The following PLAAT4 variants were observed in gnomAD, a reference collection of about 807,000 sequenced individuals.
PLAAT4 encodes the protein phospholipase A and acyltransferase 4.
A neutral mutation model predicts 14.1 loss-of-function variants in PLAAT4; 12 were observed. That is an observed-to-expected ratio of 0.85 (90% CI 0.54 to 1.37). The LOEUF is 1.37. Ranked by LOEUF, PLAAT4 falls within the 40% of genes most tolerant of loss-of-function variation. PLAAT4 has a pLI of 0.00. For synonymous variants in PLAAT4, 77 were observed against 79.8 expected (o/e 0.96, Z 0.19); for missense variants, 163 against 211.7 (o/e 0.77, Z 1.43).
Position 63,540,653 on chromosome 11 carries a change from C to G in PLAAT4, c.118+1029C>G, listed in dbSNP as rs1283822455. On this transcript the variant is annotated intron_variant, in intron 2 of 3. Transcript: ENST00000255688. ...CGAGCCTGGCCAACATGGTGAAACC[C>G]CGTCTCTATTAAAAATACAAAAATT... Among the ~76,000 whole-genome samples, 3 of 152,246 alleles carry G rather than the reference C, an allele frequency of 2.0e-5. No homozygotes were observed. The East Asian group carries it at 5.8e-4, about 29-fold the overall frequency.
chr11:63,543,066 T>A (rs2017334137), intron 2 of PLAAT4, among the ~76,000 whole-genome samples: 1 of 152,246 alleles, frequency 6.6e-6, no homozygotes, highest in African/African-American at 2.4e-5. Flanking sequence ...TTTGTTGATG[T>A]TCACTCATCT....
intron 2 of PLAAT4, 54 bp from the exon 3 acceptor site, chr11:63,544,567 C>A: frequency 1.9e-6 from 3 of 1,540,914 alleles, no homozygotes; most frequent in Non-Finnish European, 2.7e-6. Flanking sequence ...AGATTTCAAG[C>A]CCTTCTCTCC....
intron 2 of PLAAT4, among the ~76,000 whole-genome samples, chr11:63,542,401 C>T (rs957251563): frequency 3.3e-5 from 5 of 152,142 alleles, no homozygotes; most frequent in African/African-American, 1.2e-4. Flanking sequence ...AATCCAATTC[C>T]CTGCTTCCAC....
At chr11:63,538,056 G>C (rs892111313) in intron 1 of PLAAT4, among the ~76,000 whole-genome samples, 4 of 152,208 alleles carry the variant, frequency 2.6e-5, no homozygotes, top group Admixed American at 2.6e-4. Context: ...GTTTGAGGGA[G>C]GGGAAGAGGA....
intron 2 of PLAAT4, among the ~76,000 whole-genome samples, chr11:63,540,628 C>T (rs867842433): frequency 1.3e-5 from 2 of 152,070 alleles, no homozygotes; most frequent in East Asian, 1.9e-4. Context: ...GAGTTCAAGA[C>T]GAGCCTGGCC....
chr11:63,536,984 TC>T (rs2017275703), intron 1 of PLAAT4, 107 bp downstream of exon 1: 1 of 1,347,538 alleles, frequency 7.4e-7, no homozygotes, highest in South Asian at 1.3e-5. Context: ...GCTCCAGAGC[TC>T]GTCTTTAGAA....
At chr11:63,545,288 A>G (rs1194669637) in intron 3 of PLAAT4, 2 of 408,456 alleles carry the variant, frequency 4.9e-6, no homozygotes, top group South Asian at 4.9e-5. Flanking sequence ...GTAAGAGCTC[A>G]AGGACATTTG....
At chr11:63,537,282 T>C (rs2017278346) in intron 1 of PLAAT4, among the ~76,000 whole-genome samples, 1 of 152,206 alleles carries the variant, frequency 6.6e-6, no homozygotes, top group South Asian at 2.1e-4. Flanking sequence ...CCCCAAACGA[T>C]GCTTTCTCTC....
In PLAAT4 at chr11:63,542,450, GGCTCCAATGGGAA is replaced by G. The variant is rs1204599716; in HGVS notation, c.119-2168_119-2156del. 1.2e-4 allele frequency among the ~76,000 whole-genome samples: 19 copies of G among 152,146 alleles called. 1 individual carries two copies. In the East Asian group the frequency reaches 2.1e-3, roughly 17 times the overall value. On this transcript the variant is annotated intron_variant, in intron 2 of 3. Coordinates refer to ENST00000255688, the MANE Select transcript of PLAAT4 (RefSeq NM_004585.5). ...AAAGCCTAAACTTTCCTTTTTTCTGGGCTCCAATGGGAAGCAGCATTTACAACGTGTCTGGCTT... is the reference window on the plus strand; with the variant it reads ...AAAGCCTAAACTTTCCTTTTTTCTGGGCAGCATTTACAACGTGTCTGGCTT...
chr11:63,539,682 C>A (rs567891115), intron 2 of PLAAT4, 58 bp downstream of exon 2: 4 of 1,364,010 alleles, frequency 2.9e-6, no homozygotes, highest in African/African-American at 1.4e-5. Flanking sequence ...AATGAGAGGG[C>A]CGGGCACGGT....
intron 3 of PLAAT4, chr11:63,545,185 T>G: frequency 1.0e-5 from 6 of 588,782 alleles, no homozygotes; most frequent in Non-Finnish European, 1.8e-5. Flanking sequence ...CTGGGGGTCA[T>G]CAGGAGAATC....
At chr11:63,543,596 C>T (rs1466769838) in intron 2 of PLAAT4, among the ~76,000 whole-genome samples, 3 of 152,232 alleles carry the variant, frequency 2.0e-5, no homozygotes, top group South Asian at 4.1e-4. Flanking sequence ...TGAGCCACTG[C>T]GCCCAGCCAA....
intron 2 of PLAAT4, 116 bp from the exon 3 acceptor site, chr11:63,544,505 G>T: frequency 7.7e-7 from 1 of 1,298,656 alleles, no homozygotes; most frequent in Non-Finnish European, 1.1e-6. Flanking sequence ...CAAAATCTGT[G>T]AATCCTTCAA....
rs1590664960 is a variant in PLAAT4, at chr11:63,544,797, A to G, written c.295A>G (p.Met99Val). The G allele has an allele frequency of 6.2e-7, 1 of 1,614,128 alleles. No individual in the cohort carries two copies. Among genetic ancestry groups the G allele is most frequent in the East Asian group, 2.2e-5 (1 of 44,872 alleles). The change falls in exon 3 of 4, where the codon ATG becomes GTG. Residue 99 changes from methionine to valine, a missense_variant. Coordinates refer to ENST00000255688, the MANE Select transcript of PLAAT4 (RefSeq NM_004585.5). ...GGTGATCATCAGTTCTGCGAAGGAG[A>G]TGGTTGGTCAGAAGATGAAGTACAG... ...VEVIISSAKE[M>V]VGQKMKYSIV...
At chr11:63,543,580 C>T (rs1160118769) in intron 2 of PLAAT4, among the ~76,000 whole-genome samples, 1 of 152,242 alleles carries the variant, frequency 6.6e-6, no homozygotes, top group East Asian at 1.9e-4. Flanking sequence ...GCTGGGATTA[C>T]AGGCATGAGC....
rs368463459 is a variant in PLAAT4 at position 63,544,097 on chromosome 11, T to A, written c.119-524T>A. 1.4e-4 allele frequency among the ~76,000 whole-genome samples: 21 copies of A among 152,362 alleles called. No homozygotes were observed. The East Asian group carries it at 2.9e-3, about 21-fold the overall frequency. On this transcript the variant is annotated intron_variant, in intron 2 of 3. Transcript: ENST00000255688. ...CAGTGGGTACTAAACGAATTGGATCTTTTTCCGAAACACAAGTGTACAAAG... is the reference window on the plus strand; with the variant it reads ...CAGTGGGTACTAAACGAATTGGATCATTTTCCGAAACACAAGTGTACAAAG...
chr11:63,538,461 C>T (rs962058016), intron 1 of PLAAT4: 11 of 323,678 alleles, frequency 3.4e-5, no homozygotes, highest in Middle Eastern at 3.9e-4. Flanking sequence ...GAGAAGCTTC[C>T]GGAGTCCACA....
intron 1 of PLAAT4, among the ~76,000 whole-genome samples, chr11:63,538,708 A>AGAAGGTGG (rs1355423570): frequency 6.6e-6 from 1 of 152,072 alleles, no homozygotes; most frequent in Non-Finnish European, 1.5e-5. Flanking sequence ...CAAGACAGGA[A>AGAAGGTGG]CCAGGGTGAG....
rs769469335 is a variant in PLAAT4 at position 63,544,719 on chromosome 11, T to C, written c.217T>C (p.Cys73Arg). 1 of 1,614,204 alleles carries C rather than the reference T, an allele frequency of 6.2e-7. No homozygotes were observed. The highest frequency in any genetic ancestry group is 1.7e-5 in the Admixed American group (1 of 60,034). ...ERLEDVVGGC[C>R]YRVNNSLDHE... ...CCTGGAAGATGTGGTGGGAGGCTGT[T>C]GCTATCGGGTCAACAACAGCTTGGA... The change falls in exon 3 of 4, where the codon TGC (cysteine) becomes CGC (arginine). Residue 73 changes from cysteine to arginine, a missense_variant. Cys to Arg is a radical substitution (Grantham distance 180, BLOSUM62 -3). Transcript: ENST00000255688.
Sources: gnomAD v4.1 joint callset for allele counts (sites outside exome capture counted in the v4.1 genomes callset) on GRCh38, gnomAD v4.1.1 for gene constraint, MANE v1.5 for transcripts, NCBI Gene and HGNC (gene_info 2026-07-23, HGNC 2026-07-21) for gene names.